Variants in ERC2 observed in about 807,000 individuals in gnomAD.
The protein encoded by ERC2 is ELKS/RAB6-interacting/CAST family member 2.
ERC2 carries 42 observed loss-of-function variants against 114.8 expected under a neutral mutation model. The observed-to-expected ratio is 0.37, with a 90% CI of 0.29 to 0.47. The LOEUF is 0.47. Ranked by LOEUF, ERC2 falls within the 20% of genes least tolerant of loss-of-function variation. The pLI is 0.99. For missense variants in ERC2, 939 were observed against 1,150.7 expected (o/e 0.82, Z 2.66); for synonymous variants, 454 against 425.5 (o/e 1.07, Z -0.82).
chr3:55,823,514 CCCT>C (rs201011669), intron 14 of ERC2, among the ~76,000 whole-genome samples: 4 of 151,906 alleles, frequency 2.6e-5, no homozygotes, highest in Non-Finnish European at 5.9e-5. Flanking sequence ...TAGTGCATGC[CCCT>C]CCTCCTCCTC....
chr3:55,576,037 A>G (rs563663423), intron 17 of ERC2, among the ~76,000 whole-genome samples: 2 of 152,160 alleles, frequency 1.3e-5, no homozygotes, highest in Non-Finnish European at 2.9e-5. Context: ...TAGGTTGGGT[A>G]CGGTGGCTCA....
intron 14 of ERC2, among the ~76,000 whole-genome samples, chr3:55,818,170 G>A (rs1411788923): frequency 6.6e-6 from 1 of 152,144 alleles, no homozygotes; most frequent in Non-Finnish European, 1.5e-5. Flanking sequence ...TACCCTGAAT[G>A]TTTCAATACA....
intron 13 of ERC2, among the ~76,000 whole-genome samples, chr3:55,918,084 A>G (rs1486303733): frequency 2.0e-5 from 3 of 152,134 alleles, no homozygotes; most frequent in African/African-American, 7.2e-5. Flanking sequence ...TTCTATATCT[A>G]GATATCATAT....
At chr3:55,860,170 A>G (rs1372384893) in intron 14 of ERC2, among the ~76,000 whole-genome samples, 1 of 152,174 alleles carries the variant, frequency 6.6e-6, no homozygotes, top group African/African-American at 2.4e-5. Flanking sequence ...TAATGTAACA[A>G]AAGAGGAGTT....
At chr3:56,306,954 T>A (rs894542115) in intron 2 of ERC2, among the ~76,000 whole-genome samples, 1 of 152,178 alleles carries the variant, frequency 6.6e-6, no homozygotes, top group Non-Finnish European at 1.5e-5. Flanking sequence ...GCTCACAATA[T>A]GCTCAGCATC....
intron 3 of ERC2, among the ~76,000 whole-genome samples, chr3:56,189,816 C>A (rs1457022432): frequency 6.6e-6 from 1 of 152,210 alleles, no homozygotes; most frequent in Non-Finnish European, 1.5e-5. Flanking sequence ...AGCCAACCCT[C>A]CACCTGCTCA....
chr3:55,512,053 G>A (rs1027892153), intron 17 of ERC2, among the ~76,000 whole-genome samples: 3 of 152,188 alleles, frequency 2.0e-5, no homozygotes, highest in South Asian at 2.1e-4. Context: ...GGGAAATATG[G>A]CAGGGAGAGG....
At chr3:55,864,706 C>T (rs1403003899) in intron 14 of ERC2, among the ~76,000 whole-genome samples, 1 of 152,126 alleles carries the variant, frequency 6.6e-6, no homozygotes, top group Non-Finnish European at 1.5e-5. Flanking sequence ...AACTTAAATG[C>T]CTCAGAAGCC....
chr3:55,685,530 T>C (rs2062282591), intron 16 of ERC2, among the ~76,000 whole-genome samples: 1 of 152,212 alleles, frequency 6.6e-6, no homozygotes, highest in Admixed American at 6.5e-5. Flanking sequence ...GAAACTTTGA[T>C]GCTCCTTTTC....
At chr3:55,621,238 C>T (rs1202729209) in intron 17 of ERC2, among the ~76,000 whole-genome samples, 8 of 151,976 alleles carry the variant, frequency 5.3e-5, no homozygotes, top group Non-Finnish European at 1.0e-4. Context: ...CCTCTTGAGA[C>T]ACTACTATAA....
chr3:56,405,397 A>G (rs887905170), intron 2 of ERC2, among the ~76,000 whole-genome samples: 3 of 152,140 alleles, frequency 2.0e-5, no homozygotes, highest in Non-Finnish European at 4.4e-5. Flanking sequence ...ACTGCATTCC[A>G]GCCTGAGTGA....
At chr3:55,667,738 A>AT (rs2061409742) in intron 17 of ERC2, among the ~76,000 whole-genome samples, 1 of 152,208 alleles carries the variant, frequency 6.6e-6, no homozygotes, top group Non-Finnish European at 1.5e-5. Context: ...GGCGTGTGCT[A>AT]TTATTAGTTA....
At chr3:56,307,691 T>C (rs542233558) in intron 2 of ERC2, among the ~76,000 whole-genome samples, 200 of 152,316 alleles carry the variant, frequency 1.3e-3, no homozygotes, top group African/African-American at 4.7e-3. Context: ...AGACTGTGTT[T>C]CAATAGTGTT....
At chr3:55,539,986 T>G (rs181326896) in intron 17 of ERC2, among the ~76,000 whole-genome samples, 5 of 150,944 alleles carry the variant, frequency 3.3e-5, no homozygotes, top group Non-Finnish European at 2.9e-5. Flanking sequence ...TATCAGAATA[T>G]ATTTGGGAAA....
At chr3:56,376,470 A>G (rs2059545255) in intron 2 of ERC2, among the ~76,000 whole-genome samples, 1 of 152,106 alleles carries the variant, frequency 6.6e-6, no homozygotes, top group Non-Finnish European at 1.5e-5. Context: ...AAAAAAAAAA[A>G]AAGAGGTGAG....
intron 17 of ERC2, among the ~76,000 whole-genome samples, chr3:55,659,614 C>T (rs1359775339): frequency 6.6e-6 from 1 of 152,198 alleles, no homozygotes; most frequent in African/African-American, 2.4e-5. Flanking sequence ...GTCCATGCCA[C>T]TGCTCAGCCT....
chr3:56,036,172 A>G (rs1315398642), intron 7 of ERC2, among the ~76,000 whole-genome samples: 1 of 152,206 alleles, frequency 6.6e-6, no homozygotes, highest in Non-Finnish European at 1.5e-5. Context: ...CATGATAAAG[A>G]CTCTCGACAA....
At chr3:56,114,832 T>C (rs2079140518) in intron 6 of ERC2, among the ~76,000 whole-genome samples, 1 of 152,218 alleles carries the variant, frequency 6.6e-6, no homozygotes, top group African/African-American at 2.4e-5. Flanking sequence ...ATTGAGTTGA[T>C]AGTTTAATTT....
At chr3:55,814,742 A>G (rs1367315633) in intron 14 of ERC2, among the ~76,000 whole-genome samples, 1 of 152,198 alleles carries the variant, frequency 6.6e-6, no homozygotes, top group Non-Finnish European at 1.5e-5. Context: ...ACTCTTCTCC[A>G]TGTTCCACAT....
Sources: allele counts gnomAD v4.1 joint callset (sites outside exome capture counted in the v4.1 genomes callset), GRCh38; gene constraint gnomAD v4.1.1; transcripts MANE v1.5; gene names NCBI Gene and HGNC (gene_info 2026-07-23, HGNC 2026-07-21).